C2CD5: variants seen among roughly 807,000 people sequenced by gnomAD.
C2CD5 encodes the protein C2 calcium dependent domain containing 5.
A neutral mutation model predicts 130.3 loss-of-function variants in C2CD5; 109 were observed. The ratio of observed to expected loss-of-function variants is 0.84; its 90% confidence interval spans 0.72 to 0.98. The LOEUF (loss-of-function observed/expected upper bound fraction) is 0.98, where lower values mean the gene tolerates loss of function less well. C2CD5 is among the 50% of genes least tolerant of loss of function. C2CD5 has a pLI of 0.00. For synonymous variants in C2CD5, 454 were observed against 429.2 expected (o/e 1.06, Z -0.71); for missense variants, 996 against 1,261.8 (o/e 0.79, Z 3.19).
At chr12:22,527,692 ATTT>A in intron 4 of C2CD5, 26 bp downstream of exon 4, 2 of 1,228,674 alleles carry the variant, frequency 1.6e-6, no homozygotes, top group Non-Finnish European at 2.3e-6. Context: ...TAAGATTGTT[ATTT>A]ATAATACTTT....
chr12:22,496,988 A>G (rs1322003607), intron 10 of C2CD5, among the ~76,000 whole-genome samples: 1 of 152,074 alleles, frequency 6.6e-6, no homozygotes, highest in Non-Finnish European at 1.5e-5. Context: ...GAAACTGGTA[A>G]AATTCTAAAA....
At chr12:22,451,432 T>C (rs901384250) in intron 26 of C2CD5, among the ~76,000 whole-genome samples, 17 of 152,112 alleles carry the variant, frequency 1.1e-4, no homozygotes, top group African/African-American at 4.1e-4. Context: ...TTTTTGTGTA[T>C]ATGCAAGATC....
intron 10 of C2CD5, among the ~76,000 whole-genome samples, chr12:22,504,137 CATAAA>C (rs1435731773): frequency 1.3e-5 from 2 of 151,042 alleles, no homozygotes; most frequent in Non-Finnish European, 2.9e-5. Context: ...TGAACTGGCA[CATAAA>C]ATAAACCCCA....
intron 23 of C2CD5, among the ~76,000 whole-genome samples, chr12:22,459,058 T>A (rs1418969896): frequency 6.6e-6 from 1 of 152,214 alleles, no homozygotes; most frequent in South Asian, 2.1e-4. Context: ...AGTTGACTTA[T>A]CTGTTATTAA....
At chr12:22,458,921 C>T (rs1940538732) in intron 23 of C2CD5, 1 of 170,764 alleles carries the variant, frequency 5.9e-6, no homozygotes, top group Non-Finnish European at 1.2e-5. Context: ...TCTTAATTTA[C>T]AATATTTCAG....
intron 10 of C2CD5, among the ~76,000 whole-genome samples, chr12:22,505,850 C>T (rs1475624451): frequency 1.3e-5 from 2 of 150,620 alleles, no homozygotes; most frequent in Non-Finnish European, 3.0e-5. Context: ...ACTGAAGGAC[C>T]AGATGTTAGT....
chr12:22,517,076 T>C (rs1426094220), intron 8 of C2CD5, among the ~76,000 whole-genome samples: 1 of 151,990 alleles, frequency 6.6e-6, no homozygotes, highest in Non-Finnish European at 1.5e-5. Context: ...GAAGTAGCAC[T>C]GCTTTGGATT....
intron 7 of C2CD5, among the ~76,000 whole-genome samples, chr12:22,522,141 A>C (rs1313246455): frequency 6.6e-6 from 1 of 152,234 alleles, no homozygotes; most frequent in African/African-American, 2.4e-5. Flanking sequence ...AAGTAGCATC[A>C]GCAAAAACTA....
intron 25 of C2CD5, among the ~76,000 whole-genome samples, chr12:22,454,542 G>A (rs1272437907): frequency 6.7e-6 from 1 of 150,328 alleles, no homozygotes; most frequent in Non-Finnish European, 1.5e-5. Context: ...CAGGCTCACT[G>A]GCACATGTTG....
Position 22,449,741 on chromosome 12 carries a change from T to G in C2CD5, c.*19A>C, listed in dbSNP as rs373238947. On this transcript the variant is annotated 3_prime_UTR_variant, in exon 27 of 27. Coordinates refer to ENST00000446597, the MANE Select transcript of C2CD5 (RefSeq NM_001286176.2). ...ATTGATGAATTTCATTTAGTTGAGCTCTTTTTTCCTAATTTTCCTCAGGTT... is the reference window on the plus strand; with the variant it reads ...ATTGATGAATTTCATTTAGTTGAGCGCTTTTTTCCTAATTTTCCTCAGGTT... The G allele has an allele frequency of 6.4e-7, 1 of 1,559,386 alleles. No individual in the cohort carries two copies. Among genetic ancestry groups the G allele is most frequent in the African/African-American group, 1.3e-5 (1 of 74,286 alleles).
intron 16 of C2CD5, among the ~76,000 whole-genome samples, chr12:22,474,328 A>C (rs1461394513): frequency 1.3e-5 from 2 of 151,566 alleles, no homozygotes; most frequent in Non-Finnish European, 2.9e-5. Flanking sequence ...GATCAATTAT[A>C]CCTTTTGAAT....
At chr12:22,542,372 C>T (rs374837709) in intron 2 of C2CD5, among the ~76,000 whole-genome samples, 3 of 152,228 alleles carry the variant, frequency 2.0e-5, no homozygotes, top group African/African-American at 7.2e-5. Context: ...CATTCAGCTT[C>T]CTTGTCGCTC....
chr12:22,521,081 ATC>A (rs994918928), intron 7 of C2CD5, among the ~76,000 whole-genome samples: 14 of 152,212 alleles, frequency 9.2e-5, no homozygotes, highest in South Asian at 6.2e-4. Flanking sequence ...CAATAACATA[ATC>A]TAAACCACCT....
chr12:22,517,973 G>GGA lies in C2CD5; in HGVS notation c.952+11_952+12dup. 1 of 1,596,010 alleles carries GGA rather than the reference G, an allele frequency of 6.3e-7. No homozygotes were observed. Among genetic ancestry groups the GGA allele is most frequent in the Non-Finnish European group, 8.5e-7 (1 of 1,171,002 alleles). ...AAAAAAGAAAAAATAAAAGGTGGGT[G>GGA]GAAGCGCCTTACCAGTTTTGGGTGT... On this transcript the variant is annotated intron_variant, in intron 8 of 26. Coordinates refer to ENST00000446597, the MANE Select transcript of C2CD5 (RefSeq NM_001286176.2).
At chr12:22,472,419 A>G (rs1014830341) in intron 17 of C2CD5, 72 bp from the exon 18 acceptor site, 11 of 837,728 alleles carry the variant, frequency 1.3e-5, no homozygotes, top group Middle Eastern at 3.4e-4. Context: ...ACATTTTTCA[A>G]TTATTATATG....
chr12:22,515,270 C>T (rs1949602443), intron 8 of C2CD5: 1 of 211,448 alleles, frequency 4.7e-6, no homozygotes, highest in East Asian at 1.8e-4. Context: ...AATGTACAGA[C>T]AAATTACACT....
At chr12:22,534,163 G>A (rs1225746945) in intron 3 of C2CD5, among the ~76,000 whole-genome samples, 1 of 152,160 alleles carries the variant, frequency 6.6e-6, no homozygotes, top group Non-Finnish European at 1.5e-5. Context: ...ACTCCAGCCT[G>A]GGCAACAAAG....
chr12:22,464,040 A>G (rs1941653460), intron 22 of C2CD5: 1 of 152,190 alleles, frequency 6.6e-6, no homozygotes, highest in Non-Finnish European at 1.5e-5. Flanking sequence ...GGGTAGACAA[A>G]TGATATATCT....
intron 3 of C2CD5, chr12:22,535,033 T>G: frequency 2.8e-6 from 1 of 359,420 alleles, no homozygotes; most frequent in South Asian, 4.6e-5. Context: ...AATAATAATA[T>G]AATACATCTG....
Sources: allele counts gnomAD v4.1 joint callset (sites outside exome capture counted in the v4.1 genomes callset), GRCh38; gene constraint gnomAD v4.1.1; transcripts MANE v1.5; gene names NCBI Gene and HGNC (gene_info 2026-07-23, HGNC 2026-07-21).